Variants in HIVEP1 observed in about 807,000 individuals in gnomAD.
The protein encoded by HIVEP1 is HIVEP zinc finger 1, also known as zinc finger protein 40.
A neutral mutation model predicts 180.0 loss-of-function variants in HIVEP1; 36 were observed. That is an observed-to-expected ratio of 0.20 (90% CI 0.15 to 0.26). The LOEUF (loss-of-function observed/expected upper bound fraction) is 0.26, where lower values mean the gene tolerates loss of function less well. HIVEP1 is among the 10% of genes least tolerant of loss of function. HIVEP1 has a pLI of 1.00. For missense variants in HIVEP1, 3,143 were observed against 3,268.7 expected, an observed-to-expected ratio of 0.96 and a Z score of 0.94; for synonymous variants, 1,239 against 1,239.0, an observed-to-expected ratio of 1.00 and a Z score of 0.00.
At chr6:12,016,023 G>GT (rs5874359) in intron 2 of HIVEP1, among the ~76,000 whole-genome samples, 228 of 151,242 alleles carry the variant, frequency 1.5e-3, no homozygotes, top group African/African-American at 4.9e-3. Context: ...AGAATTTTAT[G>GT]TTTTTTTTTC....
chr6:12,081,104 T>C (rs964657247), intron 2 of HIVEP1, among the ~76,000 whole-genome samples: 1 of 152,150 alleles, frequency 6.6e-6, no homozygotes, highest in Non-Finnish European at 1.5e-5. Context: ...GATGAACTCC[T>C]CTCTAGCACC....
chr6:12,041,703 GC>G (rs1769736041), intron 2 of HIVEP1, among the ~76,000 whole-genome samples: 1 of 151,866 alleles, frequency 6.6e-6, no homozygotes, highest in Non-Finnish European at 1.5e-5. Context: ...TCGCTCTCTC[GC>G]CCAGGCTGGA....
chr6:12,012,930 G>C (rs903672773), intron 1 of HIVEP1: 1 of 152,354 alleles, frequency 6.6e-6, no homozygotes, highest in African/African-American at 2.4e-5. Flanking sequence ...TTTGCTCTAA[G>C]TGCCTGTTTA....
rs1760409224 is a variant in HIVEP1 at position 12,161,670 on chromosome 6, G to A, written c.6719G>A (p.Gly2240Glu). The A allele has an allele frequency of 6.2e-7, 1 of 1,614,102 alleles. No homozygotes were observed. The highest frequency in any genetic ancestry group is 1.3e-5 in the African/African-American group (1 of 75,024). ...EDVRITDCFS[G>E]VHTDPMDVLP... is the part of the protein sequence containing the mutation. ...GTCAGGATCACCGATTGCTTTTCTG[G>A]GGTACACACGGACCCAATGGACGTT... Residue 2240 changes from glycine to glutamate, a missense_variant, in exon 8 of 9, where the codon GGG becomes GAG. Physicochemically the swap from Gly to Glu is moderately conservative, Grantham distance 98. Coordinates refer to ENST00000379388, the MANE Select transcript of HIVEP1 (RefSeq NM_002114.4).
intron 3 of HIVEP1, among the ~76,000 whole-genome samples, chr6:12,102,251 T>C (rs761770837): frequency 2.6e-5 from 4 of 152,168 alleles, no homozygotes; most frequent in Non-Finnish European, 4.4e-5. Context: ...GTAAGCCAAG[T>C]AGACCTAAAT....
At chr6:12,143,180 A>G (rs1759156063) in intron 7 of HIVEP1, among the ~76,000 whole-genome samples, 2 of 152,246 alleles carry the variant, frequency 1.3e-5, no homozygotes, top group Admixed American at 6.5e-5. Flanking sequence ...CTAAAAGTTT[A>G]TCCACCATGA....
Position 12,053,980 on chromosome 6 carries a change from A to G in HIVEP1, c.41-35204A>G, listed in dbSNP as rs73360148. On this transcript the variant is annotated intron_variant, in intron 2 of 8. Coordinates refer to ENST00000379388, the MANE Select transcript of HIVEP1 (RefSeq NM_002114.4). ...CCTTCTCCATGTGGAAATGTGAGCT[A>G]CAACTTGTTAGTATCAGAAACGTAG... Among the ~76,000 whole-genome samples the G allele has an allele frequency of 8.2e-3, 1,256 of 152,270 alleles. 20 individuals are homozygous for G. The highest frequency in any genetic ancestry group is 0.026 in the African/African-American group (1,094 of 41,484).
intron 2 of HIVEP1, 42 bp downstream of exon 2, chr6:12,015,710 C>T (rs1306231758): frequency 1.3e-6 from 2 of 1,565,772 alleles, no homozygotes; most frequent in Non-Finnish European, 8.8e-7. Context: ...TGCTGTAAAT[C>T]TTTTAACAAA....
intron 7 of HIVEP1, among the ~76,000 whole-genome samples, chr6:12,157,052 T>C (rs1383860844): frequency 1.3e-5 from 2 of 152,216 alleles, no homozygotes; most frequent in Non-Finnish European, 2.9e-5. Context: ...TATATCATTA[T>C]GTAATGCTCC....
chr6:12,064,563 A>T (rs1656648141), intron 2 of HIVEP1, among the ~76,000 whole-genome samples: 1 of 152,170 alleles, frequency 6.6e-6, no homozygotes, highest in Non-Finnish European at 1.5e-5. Flanking sequence ...AATTGTATGT[A>T]TCTGCATGTG....
chr6:12,112,899 G>A (rs1774993289), intron 3 of HIVEP1, among the ~76,000 whole-genome samples: 1 of 152,132 alleles, frequency 6.6e-6, no homozygotes, highest in Non-Finnish European at 1.5e-5. Flanking sequence ...GGTAGAGGGT[G>A]TCCTCCTCTG....
intron 3 of HIVEP1, among the ~76,000 whole-genome samples, chr6:12,109,633 G>A (rs1173146938): frequency 6.6e-6 from 1 of 152,202 alleles, no homozygotes; most frequent in Admixed American, 6.5e-5. Flanking sequence ...CTCCACTTTA[G>A]TTCTGCTTCT....
intron 8 of HIVEP1, 103 bp from the exon 9 acceptor site, chr6:12,163,180 C>A: frequency 1.1e-6 from 1 of 885,362 alleles, no homozygotes. Flanking sequence ...TGCAAATATA[C>A]TTACTTTTAT....
rs763807219 is a variant in HIVEP1, at chr6:12,161,434, A to G, written c.6488-5A>G. On this transcript the variant is annotated splice_polypyrimidine_tract_variant and splice_region_variant and intron_variant, in intron 7 of 8. Transcript: ENST00000379388. ...CATCACATACCTCTTGGTTGTTTTTATTAGATGAAAAACAGAGATTCAGTT... is the reference window on the plus strand; with the variant it reads ...CATCACATACCTCTTGGTTGTTTTTGTTAGATGAAAAACAGAGATTCAGTT... The G allele has an allele frequency of 4.4e-6, 7 of 1,605,324 alleles. No homozygotes were observed. The East Asian group carries it at 6.7e-5, about 15-fold the overall frequency.
the HIVEP1 span, among the ~76,000 whole-genome samples, chr6:12,177,754 G>A: frequency 5.9e-5 from 9 of 152,038 alleles, no homozygotes; most frequent in Admixed American, 2.6e-4. Flanking sequence ...TAAGTGATAG[G>A]GGAATTTTTG....
intron 2 of HIVEP1, among the ~76,000 whole-genome samples, chr6:12,056,316 T>C (rs952266083): frequency 3.3e-5 from 5 of 152,220 alleles, no homozygotes; most frequent in African/African-American, 1.2e-4. Context: ...CTCGAGGTAG[T>C]ATGATGTTCT....
intron 2 of HIVEP1, among the ~76,000 whole-genome samples, chr6:12,058,403 A>AG (rs1771009171): frequency 6.6e-6 from 1 of 152,186 alleles, no homozygotes; most frequent in Non-Finnish European, 1.5e-5. Context: ...TTCCACTCCC[A>AG]AGTTGGCTGG....
the HIVEP1 span, among the ~76,000 whole-genome samples, chr6:12,184,026 C>T: frequency 0.093 from 9,452 of 101,814 alleles, 837 homozygotes; most frequent in African/African-American, 0.35. Flanking sequence ...GATAGATAGA[C>T]AGACAGACAG....
At chr6:12,207,742 A>AAATTAATAATAATAATAAT in the HIVEP1 span, among the ~76,000 whole-genome samples, 328 of 138,182 alleles carry the variant, frequency 2.4e-3, 2 homozygotes, top group Non-Finnish European at 2.9e-3. Flanking sequence ...AGTCTCTACA[A>AAATTAATAATAATAATAAT]AATAATAATA....
Sources: allele counts gnomAD v4.1 joint callset (sites outside exome capture counted in the v4.1 genomes callset), GRCh38; gene constraint gnomAD v4.1.1; transcripts MANE v1.5; gene names NCBI Gene and HGNC (gene_info 2026-07-23, HGNC 2026-07-21).